NOS2: variants seen among roughly 807,000 people sequenced by gnomAD.
NOS2 encodes the protein nitric oxide synthase, inducible.
A neutral mutation model predicts 136.0 loss-of-function variants in NOS2; 96 were observed. The observed-to-expected ratio is 0.71, with a 90% CI of 0.60 to 0.84. The LOEUF is 0.84. Ranked by LOEUF, NOS2 falls within the 40% of genes least tolerant of loss-of-function variation. The probability of loss-of-function intolerance (pLI) is 0.00; values close to 1 mark genes in which losing one functional copy is unlikely to be tolerated. For synonymous variants in NOS2, 539 were observed against 587.5 expected, an observed-to-expected ratio of 0.92 and a Z score of 1.20; for missense variants, 1,237 against 1,496.9, an observed-to-expected ratio of 0.83 and a Z score of 2.87.
intron 22 of NOS2, among the ~76,000 whole-genome samples, chr17:27,762,095 G>A (rs970254578): frequency 5.3e-5 from 8 of 152,228 alleles, no homozygotes; most frequent in South Asian, 4.2e-4. Flanking sequence ...TGGTGGAGCC[G>A]AGACCACCTG....
intron 17 of NOS2, 98 bp from the exon 18 acceptor site, chr17:27,767,935 A>G (rs1402895270): frequency 6.7e-7 from 1 of 1,490,142 alleles, no homozygotes; most frequent in South Asian, 1.2e-5. Flanking sequence ...TGGGCCAAAC[A>G]CTGAGCCGTG....
intron 11 of NOS2, among the ~76,000 whole-genome samples, chr17:27,775,533 C>T (rs1202439926): frequency 1.3e-5 from 2 of 152,214 alleles, no homozygotes; most frequent in Non-Finnish European, 2.9e-5. Flanking sequence ...ACCCGGGAGG[C>T]GGAGGTTGCA....
intron 5 of NOS2, among the ~76,000 whole-genome samples, chr17:27,786,906 C>A (rs1428487129): frequency 2.0e-5 from 3 of 152,188 alleles, no homozygotes; most frequent in African/African-American, 4.8e-5. Context: ...AATTAAAAAT[C>A]TTTGTATTCC....
At chr17:27,772,190 T>C (rs1268569747) in intron 14 of NOS2, 118 bp downstream of exon 14, 2 of 1,107,338 alleles carry the variant, frequency 1.8e-6, no homozygotes, top group Non-Finnish European at 2.6e-6. Context: ...AGATTAATGA[T>C]GCACATTACC....
intron 22 of NOS2, among the ~76,000 whole-genome samples, chr17:27,761,871 C>T (rs1024500179): frequency 3.3e-5 from 5 of 152,160 alleles, no homozygotes; most frequent in African/African-American, 7.2e-5. Context: ...TGGTTTTCCT[C>T]GGGATTAAAC....
At chr17:27,787,883 T>C in intron 4 of NOS2, 57 bp from the exon 5 acceptor site, 1 of 1,542,812 alleles carries the variant, frequency 6.5e-7, no homozygotes, top group Non-Finnish European at 8.7e-7. Flanking sequence ...GCCACCCTCC[T>C]CTGGGGCCAG....
rs1340508892 is a variant in NOS2 at position 27,779,058 on chromosome 17, T to C, written c.1005-2A>G. ...TCCAGTTCCCGAAACCACTCGTATC[T>C]GGCAAAAAGGTAGACACAATTTAAC... On this transcript the variant is annotated splice_acceptor_variant, in intron 9 of 26. Coordinates refer to ENST00000313735, the MANE Select transcript of NOS2 (RefSeq NM_000625.4). LOFTEE classifies it high-confidence loss of function. 2.0e-6 allele frequency: 3 copies of C among 1,498,462 alleles called. No individual in the cohort carries two copies. The highest frequency in any genetic ancestry group is 8.9e-7 in the Non-Finnish European group (1 of 1,121,098). The allele number at this position is 1,498,462 out of a possible 1,614,324, so 92.8% of individuals were successfully genotyped here.
At chr17:27,760,850 G>A (rs1382220155) in intron 23 of NOS2, 106 bp from the exon 24 acceptor site, 1 of 1,393,972 alleles carries the variant, frequency 7.2e-7, no homozygotes, top group Non-Finnish European at 9.6e-7. Flanking sequence ...GTGAGGGGGT[G>A]GAGAGGACAA....
At chr17:27,781,874 G>T in intron 7 of NOS2, 141 bp downstream of exon 7, 1 of 726,760 alleles carries the variant, frequency 1.4e-6, no homozygotes, top group Non-Finnish European at 2.3e-6. Flanking sequence ...CCCCGAAGAA[G>T]CCTGAGTCTT....
chr17:27,776,557 C>A (rs186609468), intron 11 of NOS2, among the ~76,000 whole-genome samples: 3 of 151,866 alleles, frequency 2.0e-5, no homozygotes, highest in Admixed American at 2.0e-4. Context: ...CCTGTAATCC[C>A]AGCTACTTGG....
chr17:27,764,851 A>G (rs1259061962), intron 20 of NOS2, among the ~76,000 whole-genome samples: 1 of 152,244 alleles, frequency 6.6e-6, no homozygotes, highest in Non-Finnish European at 1.5e-5. Context: ...CCTCTGGAAC[A>G]GAGTCCTGAT....
rs748402618 is a variant in NOS2 at position 27,756,964 on chromosome 17, A to G, written c.*282T>C. ...CACTTGAAGTGGTGCACTCAGCAGC[A>G]AGTTCCATCTTTCACCCACTTGCCA... is the stretch of plus-strand genomic sequence containing the variant. On this transcript the variant is annotated 3_prime_UTR_variant, in exon 27 of 27. Coordinates refer to ENST00000313735, the MANE Select transcript of NOS2 (RefSeq NM_000625.4). 2.9e-4 allele frequency: 115 copies of G among 393,432 alleles called. No homozygotes were observed. The highest frequency in any genetic ancestry group is 4.9e-4 in the Admixed American group (11 of 22,480). 24.4% of individuals were successfully genotyped at this position (393,432 alleles called of 1,614,324 possible).
At chr17:27,788,784 G>T (rs201723327) in intron 4 of NOS2, 25 bp downstream of exon 4, 23 of 1,600,950 alleles carry the variant, frequency 1.4e-5, no homozygotes, top group Non-Finnish European at 2.0e-5. Flanking sequence ...GACAAAGGTG[G>T]TTCTCCCTGA....
chr17:27,782,876 G>A, intron 6 of NOS2, 68 bp downstream of exon 6: 2 of 1,507,010 alleles, frequency 1.3e-6, no homozygotes, highest in Non-Finnish European at 1.8e-6. Flanking sequence ...CTGTGTGGCT[G>A]TTCCAAGCCA....
At chr17:27,767,885 A>T (rs1341517270) in intron 17 of NOS2, 48 bp from the exon 18 acceptor site, 2 of 1,607,110 alleles carry the variant, frequency 1.2e-6, no homozygotes, top group African/African-American at 2.7e-5. Flanking sequence ...CAGCAGCAGC[A>T]TCCCCACCAC....
At chr17:27,759,141 G>A in intron 25 of NOS2, 66 bp from the exon 26 acceptor site, 13 of 1,255,198 alleles carry the variant, frequency 1.0e-5, no homozygotes, top group East Asian at 2.9e-5. Context: ...AGGCAGGCCT[G>A]CTGGCCTCAA....
Position 27,757,372 on chromosome 17 carries a change from G to C in NOS2, c.3355-19C>G, listed in dbSNP as rs1467048536. The stretch of plus-strand genomic sequence containing the variant: ...TCTGGCTCTTTTAGGTAAAAACAGA[G>C]AGCAACGTGTCAAGTCCAGGCTGGG... On this transcript the variant is annotated intron_variant, in intron 26 of 26. Transcript: ENST00000313735. The C allele has an allele frequency of 1.9e-6, 3 of 1,611,124 alleles. No homozygotes were observed. The highest frequency in any genetic ancestry group is 2.2e-5 in the East Asian group (1 of 44,878).
At chr17:27,769,406 C>T (rs1391341221) in intron 16 of NOS2, 129 bp downstream of exon 16, 15 of 853,356 alleles carry the variant, frequency 1.8e-5, no homozygotes, top group Middle Eastern at 3.5e-4. Context: ...GAGTACAGAC[C>T]TTAGACCCAG....
At chr17:27,789,148 C>A (rs111941869) in intron 3 of NOS2, among the ~76,000 whole-genome samples, 59 of 152,312 alleles carry the variant, frequency 3.9e-4, no homozygotes, top group African/African-American at 1.3e-3. Flanking sequence ...CACCCAGGGC[C>A]TTGCCAAATG....
Sources: gnomAD v4.1 joint callset for allele counts (sites outside exome capture counted in the v4.1 genomes callset) on GRCh38, gnomAD v4.1.1 for gene constraint, MANE v1.5 for transcripts, NCBI Gene and HGNC (gene_info 2026-07-23, HGNC 2026-07-21) for gene names.